The following PIMREG variants were observed in gnomAD, a reference collection of about 807,000 sequenced individuals.
The protein encoded by PIMREG is PICALM interacting mitotic regulator, also known as protein PIMREG.
Under a neutral mutation model 24.3 loss-of-function variants are expected in PIMREG, and 19 were observed. The ratio of observed to expected loss-of-function variants is 0.78; its 90% confidence interval spans 0.54 to 1.15. The LOEUF (loss-of-function observed/expected upper bound fraction) is 1.15. Ranked by LOEUF, PIMREG falls within the 50% of genes most tolerant of loss-of-function variation. The pLI is 0.00. For synonymous variants in PIMREG, 112 were observed against 124.1 expected, an observed-to-expected ratio of 0.90 and a Z score of 0.65; for missense variants, 283 against 306.8, an observed-to-expected ratio of 0.92 and a Z score of 0.58.
At chr17:6,446,813 G>A (rs961022396) in intron 2 of PIMREG, among the ~76,000 whole-genome samples, 2 of 152,140 alleles carry the variant, frequency 1.3e-5, no homozygotes, top group African/African-American at 4.8e-5. Flanking sequence ...TGGGCGGGGT[G>A]GCCTGTTCTT....
At position 6,449,322 on chromosome 17, in the gene PIMREG, A is replaced by G. The variant is rs1432707958; in HGVS notation, c.601A>G (p.Ser201Gly). 6.2e-7 allele frequency: 1 copy of G among 1,610,534 alleles called. No individual in the cohort carries two copies. Among genetic ancestry groups the G allele is most frequent in the Admixed American group, 1.7e-5 (1 of 59,104 alleles). The change falls in exon 4 of 6, where the codon AGT becomes GGT. Residue 201 changes from serine to glycine, a missense_variant. Transcript: ENST00000572447. ...TTTTCTTTCATGCAGCGAGTCTGAC[A>G]GTGACCTAGAGCCTGTGGGGGCGGG... is the stretch of plus-strand genomic sequence containing the variant. ...EPLCSPSESD[S>G]DLEPVGAGIQ...
intron 3 of PIMREG, 63 bp downstream of exon 3, chr17:6,447,821 G>A: frequency 1.3e-6 from 2 of 1,505,206 alleles, no homozygotes; most frequent in South Asian, 2.6e-5. Context: ...AATCCCTGCT[G>A]TCTGACCTCC....
intron 3 of PIMREG, among the ~76,000 whole-genome samples, chr17:6,448,050 G>A (rs754440959): frequency 4.6e-5 from 7 of 152,056 alleles, no homozygotes; most frequent in Middle Eastern, 3.2e-3. Flanking sequence ...TTGGGAGGCC[G>A]AGGCGGGTGG....
intron 1 of PIMREG, 50 bp from the exon 2 acceptor site, chr17:6,445,026 A>C (rs1227224875): frequency 4.8e-5 from 66 of 1,378,478 alleles, no homozygotes; most frequent in Non-Finnish European, 6.1e-5. Context: ...GGGGCCTGGG[A>C]ATGGGTATGG....
At chr17:6,447,107 T>TG (rs201352727) in intron 2 of PIMREG, among the ~76,000 whole-genome samples, 6,177 of 68,074 alleles carry the variant, frequency 0.091, 197 homozygotes, top group Admixed American at 0.21. Context: ...GGTTTTTTTT[T>TG]TTGTTGTTGT....
At chr17:6,450,263 C>A in intron 5 of PIMREG, 99 bp from the exon 6 acceptor site, 1 of 1,253,720 alleles carries the variant, frequency 8.0e-7, no homozygotes, top group Non-Finnish European at 1.1e-6. Flanking sequence ...CAAGTAGCTA[C>A]AGCCACCTTC....
In PIMREG at chr17:6,447,500, T is replaced by C. The variant is rs1395083803; in HGVS notation, c.332T>C (p.Leu111Pro). The C allele has an allele frequency of 4.3e-6, 7 of 1,613,888 alleles. No individual in the cohort carries two copies. The highest frequency in any genetic ancestry group is 5.9e-6 in the Non-Finnish European group (7 of 1,179,898). The part of the protein sequence containing the change: ...QESCQSGTKW[L>P]VETQVKARRR... Reference sequence around the variant, plus strand: ...TCCTGCCAAAGTGGCACCAAGTGGCTGGTGGAGACCCAGGTGAAGGCCAGG... The same window carrying C: ...TCCTGCCAAAGTGGCACCAAGTGGCCGGTGGAGACCCAGGTGAAGGCCAGG... The change falls in exon 3 of 6, where the codon CTG becomes CCG. Residue 111 changes from leucine (L) to proline (P), a missense_variant. Physicochemically the swap from Leu to Pro is moderately conservative, Grantham distance 98. Coordinates refer to ENST00000572447, the MANE Select transcript of PIMREG (RefSeq NM_019013.3).
intron 3 of PIMREG, among the ~76,000 whole-genome samples, chr17:6,448,301 A>AAAAAAAAAAAAAAAAAAAAG (rs1259419657): frequency 6.7e-6 from 1 of 149,218 alleles, no homozygotes. Context: ...AAAAAAAAAA[A>AAAAAAAAAAAAAAAAAAAAG]AGAGAGAGAG....
chr17:6,447,524 G>A lies in PIMREG; in HGVS notation c.356G>A (p.Arg119Lys), dbSNP rs964065023. 1 of 1,614,028 alleles carries A rather than the reference G, an allele frequency of 6.2e-7. No individual in the cohort carries two copies. Among genetic ancestry groups the A allele is most frequent in the Non-Finnish European group, 8.5e-7 (1 of 1,179,986 alleles). ...KWLVETQVKA[R>K]RRKRGAQKGS... ...CTGGTGGAGACCCAGGTGAAGGCCA[G>A]GAGGCGGAAGAGAGGAGCACAGAAG... The change falls in exon 3 of 6, where the codon AGG becomes AAG. Residue 119 changes from arginine to lysine, a missense_variant. Physicochemically the swap from Arg to Lys is conservative, Grantham distance 26 (BLOSUM62 2). Coordinates refer to ENST00000572447, the MANE Select transcript of PIMREG (RefSeq NM_019013.3).
Position 6,445,194 on chromosome 17 carries a change from G to T in PIMREG, c.84G>T (p.Glu28Asp), listed in dbSNP as rs762605666. 6.2e-7 allele frequency: 1 copy of T among 1,613,844 alleles called. No individual in the cohort carries two copies. Among genetic ancestry groups the T allele is most frequent in the South Asian group, 1.1e-5 (1 of 91,050 alleles). ...AGGAGCAGCTGGAGGACAGCAAGGA[G>T]CTGCAGCCTGTGGTCAGCCATCAGG... ...QHQEQLEDSK[E>D]LQPVVSHQET... is the part of the protein sequence containing the mutation. The change falls in exon 2 of 6, where the codon GAG becomes GAT. Residue 28 changes from glutamate (E) to aspartate (D), a missense_variant. Transcript: ENST00000572447.
intron 2 of PIMREG, 195 bp from the exon 3 acceptor site, chr17:6,447,268 C>T (rs1264884376): frequency 3.1e-5 from 18 of 574,350 alleles, no homozygotes; most frequent in African/African-American, 1.1e-4. Context: ...CCCGCCACCG[C>T]GCCTGGCTAA....
At position 6,447,526 on chromosome 17, in the gene PIMREG, A is replaced by C; in HGVS notation, c.358A>C (p.Arg120=). 6.2e-7 allele frequency: 1 copy of C among 1,614,142 alleles called. No individual in the cohort carries two copies. Among genetic ancestry groups the C allele is most frequent in the Non-Finnish European group, 8.5e-7 (1 of 1,179,974 alleles). The change falls in exon 3 of 6, where the codon AGG becomes CGG. Residue 120 remains arginine, a synonymous_variant. Transcript: ENST00000572447. ...GGTGGAGACCCAGGTGAAGGCCAGGAGGCGGAAGAGAGGAGCACAGAAGGG... is the reference window on the plus strand; with the variant it reads ...GGTGGAGACCCAGGTGAAGGCCAGGCGGCGGAAGAGAGGAGCACAGAAGGG... ...WLVETQVKAR[R]RKRGAQKGSG...
rs567922279 is a variant in PIMREG at position 6,450,634 on chromosome 17, G to A, written c.*287G>A. 49 of 500,512 alleles carry A rather than the reference G, an allele frequency of 9.8e-5. 1 individual carries two copies. In the South Asian group the frequency reaches 1.0e-3, roughly 10 times the overall value. 31.0% of individuals were successfully genotyped at this position (500,512 alleles called of 1,614,324 possible). On this transcript the variant is annotated 3_prime_UTR_variant, in exon 6 of 6. Coordinates refer to ENST00000572447, the MANE Select transcript of PIMREG (RefSeq NM_019013.3). The stretch of plus-strand genomic sequence containing the variant: ...GGACTCTTGAGCTTAGAAACTCATC[G>A]TACACTTGACCTTGAGCCTTCTATT...
At chr17:6,449,542 T>A (rs1005013075) in intron 4 of PIMREG, 135 bp downstream of exon 4, 1 of 1,030,884 alleles carries the variant, frequency 9.7e-7, no homozygotes, top group African/African-American at 1.6e-5. Flanking sequence ...GGCCTCAGTC[T>A]CCCTCATCTC....
At chr17:6,445,570 G>A (rs190484858) in intron 2 of PIMREG, among the ~76,000 whole-genome samples, 166 bp downstream of exon 2, 1 of 152,334 alleles carries the variant, frequency 6.6e-6, no homozygotes, top group Non-Finnish European at 1.5e-5. Flanking sequence ...ACATATAGGT[G>A]CTCAACAAAT....
In PIMREG at chr17:6,450,095, CTT is replaced by C. The variant is rs763736402; in HGVS notation, c.*14+25_*14+26del. 18 of 1,611,554 alleles carry C rather than the reference CTT, an allele frequency of 1.1e-5. No individual in the cohort carries two copies. The South Asian group carries it at 2.0e-4, about 18-fold the overall frequency. On this transcript the variant is annotated intron_variant, in intron 5 of 5. Coordinates refer to ENST00000572447, the MANE Select transcript of PIMREG (RefSeq NM_019013.3). ...CAGGTAATGCCCACCTCCCAAGAGT[CTT>C]TCTCACTGTCCTTCTCCTCCATCTC...
chr17:6,448,715 C>T (rs1230701823), intron 3 of PIMREG, among the ~76,000 whole-genome samples: 1 of 152,142 alleles, frequency 6.6e-6, no homozygotes, highest in Admixed American at 6.5e-5. Flanking sequence ...GGGGGTGAAG[C>T]TCATCCCAAT....
intron 3 of PIMREG, among the ~76,000 whole-genome samples, chr17:6,448,295 A>AAAAAAAAAAG (rs1487249426): frequency 2.0e-5 from 3 of 149,400 alleles, no homozygotes; most frequent in Non-Finnish European, 3.0e-5. Flanking sequence ...AAAAAAAAAA[A>AAAAAAAAAAG]AAAAAAAGAG....
rs76304585 is a variant in PIMREG, at chr17:6,450,584, G to C, written c.*237G>C. 5.7e-4 allele frequency: 313 copies of C among 546,750 alleles called. 1 individual carries two copies. Among genetic ancestry groups the C allele is most frequent in the African/African-American group, 5.6e-3 (298 of 53,136 alleles). The allele number at this position is 546,750 out of a possible 1,614,324, so 33.9% of individuals were successfully genotyped here. A position where few individuals can be genotyped will look rare whatever the true frequency, so the allele number is the denominator to read the frequency against. On this transcript the variant is annotated 3_prime_UTR_variant, in exon 6 of 6. Coordinates refer to ENST00000572447, the MANE Select transcript of PIMREG (RefSeq NM_019013.3). ...CTTGGGGAGACCTTGCAGAGGGGGA[G>C]AATTGTTCCTTCTGCTTTCCTAGGG...
Sources: gnomAD v4.1 joint callset for allele counts (sites outside exome capture counted in the v4.1 genomes callset) on GRCh38, gnomAD v4.1.1 for gene constraint, MANE v1.5 for transcripts, NCBI Gene and HGNC (gene_info 2026-07-23, HGNC 2026-07-21) for gene names.